FAM107B: variants seen among roughly 807,000 people sequenced by gnomAD.
FAM107B encodes protein FAM107B.
FAM107B carries 21 observed loss-of-function variants against 31.5 expected under a neutral mutation model. The ratio of observed to expected loss-of-function variants is 0.67; its 90% CI spans 0.47 to 0.96. The LOEUF (loss-of-function observed/expected upper bound fraction) is 0.96, where lower values mean the gene tolerates loss of function less well. Ranked by LOEUF, FAM107B falls within the 40% of genes least tolerant of loss-of-function variation. The pLI is 0.00. For synonymous variants in FAM107B, 157 were observed against 141.5 expected, an observed-to-expected ratio of 1.11 and a Z score of -0.78; for missense variants, 452 against 377.1, an observed-to-expected ratio of 1.20 and a Z score of -1.64.
In FAM107B at chr10:14,774,452, C is replaced by T. The variant is rs760176736; in HGVS notation, c.212G>A (p.Gly71Glu). 3.1e-6 allele frequency: 5 copies of T among 1,614,194 alleles called. No homozygotes were observed. Among genetic ancestry groups the T allele is most frequent in the South Asian group, 1.1e-5 (1 of 91,080 alleles). Residue 71 changes from glycine to glutamate, a missense_variant, in exon 1 of 5, where the codon GGA (glycine) becomes GAA (glutamate). Coordinates refer to ENST00000181796, the MANE Select transcript of FAM107B (RefSeq NM_031453.4). ...GRQPRHPSAE[G>E]APEKRQDSST... ...CGAATCTTGCCTTTTCTCTGGAGCT[C>T]CTTCTGCGCTTGGGTGTCTTGGCTG... is the stretch of plus-strand genomic sequence containing the variant.
chr10:14,567,707 G>C (rs575685154), intron 2 of FAM107B, among the ~76,000 whole-genome samples: 1 of 152,306 alleles, frequency 6.6e-6, no homozygotes, highest in South Asian at 2.1e-4. Context: ...CAGGAGCAGA[G>C]GGGTTGGAAA....
intron 2 of FAM107B, among the ~76,000 whole-genome samples, chr10:14,558,620 T>C (rs1362218236): frequency 6.6e-6 from 1 of 152,114 alleles, no homozygotes; most frequent in East Asian, 1.9e-4. Flanking sequence ...TCCTTCTCCA[T>C]TTCTGAACTC....
chr10:14,774,523 A>G lies in FAM107B; in HGVS notation c.141T>C (p.Asp47=). 6.2e-7 allele frequency: 1 copy of G among 1,614,178 alleles called. No homozygotes were observed. Among genetic ancestry groups the G allele is most frequent in the Non-Finnish European group, 8.5e-7 (1 of 1,180,032 alleles). Residue 47 remains aspartate, a synonymous_variant, in exon 1 of 5, where the codon GAT becomes GAC. Transcript: ENST00000181796. The stretch of plus-strand genomic sequence containing the variant: ...GCTGCACACGGACGGTGGAATGAGT[A>G]TCAGCCACGCCGGACTGATTGAAGG... ...SASFNQSGVA[D]THSTVRVQPV...
At position 14,768,520 on chromosome 10, in the gene FAM107B, C is replaced by T. The variant is rs116630956; in HGVS notation, c.411+5733G>A. Among the ~76,000 whole-genome samples, 599 of 152,248 alleles carry T rather than the reference C, an allele frequency of 3.9e-3. 7 individuals carry two copies. Among genetic ancestry groups the T allele is most frequent in the African/African-American group, 0.013 (559 of 41,536 alleles). The stretch of plus-strand genomic sequence containing the variant: ...TGGTCAAATGATTTCAACAAGGGTG[C>T]CAAGACCACTCAATGGGGAAAAGAC... On this transcript the variant is annotated intron_variant, in intron 1 of 4. Transcript: ENST00000181796.
chr10:14,621,722 G>A (rs182665494), intron 2 of FAM107B, among the ~76,000 whole-genome samples: 283 of 152,326 alleles, frequency 1.9e-3, no homozygotes, highest in African/African-American at 5.7e-3. Context: ...AACAAGATTT[G>A]AAACAGGATT....
intron 2 of FAM107B, among the ~76,000 whole-genome samples, chr10:14,594,105 T>C (rs1208188582): frequency 1.3e-5 from 2 of 152,224 alleles, no homozygotes; most frequent in South Asian, 2.1e-4. Context: ...TGTTTTTAAT[T>C]TGGTGCCATT....
Position 14,641,951 on chromosome 10 carries a change from A to G in FAM107B, c.469+25683T>C, listed in dbSNP as rs115106215. Among the ~76,000 whole-genome samples the G allele has an allele frequency of 7.8e-3, 1,194 of 152,348 alleles. 21 individuals carry two copies. The highest frequency in any genetic ancestry group is 0.028 in the African/African-American group (1,151 of 41,576). The stretch of plus-strand genomic sequence containing the variant: ...AAGTCCAAAGCCTCCTTTAAATATC[A>G]TCTAAATCAGATATGAGTGAAATTT... On this transcript the variant is annotated intron_variant, in intron 2 of 4. Coordinates refer to ENST00000181796, the MANE Select transcript of FAM107B (RefSeq NM_031453.4).
intron 2 of FAM107B, among the ~76,000 whole-genome samples, chr10:14,550,923 G>A (rs1263209258): frequency 6.6e-6 from 1 of 152,138 alleles, no homozygotes; most frequent in East Asian, 1.9e-4. Flanking sequence ...ATCACTTCGA[G>A]AGGAACAATT....
At chr10:14,651,435 G>A (rs1413158921) in intron 2 of FAM107B, among the ~76,000 whole-genome samples, 8 of 152,034 alleles carry the variant, frequency 5.3e-5, no homozygotes, top group African/African-American at 7.2e-5. Context: ...GAGAGACCCC[G>A]TCACTACTAA....
At chr10:14,728,808 C>T (rs1192161133) in intron 1 of FAM107B, among the ~76,000 whole-genome samples, 2 of 152,156 alleles carry the variant, frequency 1.3e-5, no homozygotes, top group African/African-American at 2.4e-5. Flanking sequence ...AGTATGTGGG[C>T]ATTCATTCTG....
Position 14,771,825 on chromosome 10 carries a change from G to A in FAM107B, c.411+2428C>T, listed in dbSNP as rs930952733. Among the ~76,000 whole-genome samples the A allele has an allele frequency of 2.6e-5, 4 of 152,120 alleles. No homozygotes were observed. The East Asian group carries it at 7.7e-4, about 29-fold the overall frequency. The stretch of plus-strand genomic sequence containing the variant: ...GCCACTATGCCCAGCCAATATGTAT[G>A]ATATTTAAATGTGATTGAGTATCAA... On this transcript the variant is annotated intron_variant, in intron 1 of 4. Transcript: ENST00000181796.
In FAM107B at chr10:14,603,220, G is replaced by A. The variant is rs1048714001; in HGVS notation, c.469+64414C>T. On this transcript the variant is annotated intron_variant, in intron 2 of 4. Coordinates refer to ENST00000181796, the MANE Select transcript of FAM107B (RefSeq NM_031453.4). ...CTAAGAAATCTTCTCTGGACAGGTAGCCCAGACACTATTTCAACTTAAAGC... is the reference window on the plus strand; with the variant it reads ...CTAAGAAATCTTCTCTGGACAGGTAACCCAGACACTATTTCAACTTAAAGC... 2.0e-5 allele frequency among the ~76,000 whole-genome samples: 3 copies of A among 152,082 alleles called. No individual in the cohort carries two copies. The South Asian group carries it at 6.2e-4, about 32-fold the overall frequency.
At chr10:14,714,172 G>A (rs1330937267) in intron 1 of FAM107B, among the ~76,000 whole-genome samples, 1 of 152,150 alleles carries the variant, frequency 6.6e-6, no homozygotes, top group African/African-American at 2.4e-5. Flanking sequence ...ATTTACCCCT[G>A]AGCCTAAAAT....
Position 14,758,650 on chromosome 10 carries a change from C to A in FAM107B, c.411+15603G>T, listed in dbSNP as rs1420498068. 2.0e-5 allele frequency among the ~76,000 whole-genome samples: 3 copies of A among 152,194 alleles called. No homozygotes were observed. In the South Asian group the frequency reaches 6.2e-4, roughly 32 times the overall value. ...GTGGCCCTAGATGCCCAGCCGGGCTCCCCGTCTGGAGCGAGTGCCAATAGG... is the reference window on the plus strand; with the variant it reads ...GTGGCCCTAGATGCCCAGCCGGGCTACCCGTCTGGAGCGAGTGCCAATAGG... On this transcript the variant is annotated intron_variant, in intron 1 of 4. Coordinates refer to ENST00000181796, the MANE Select transcript of FAM107B (RefSeq NM_031453.4).
intron 1 of FAM107B, among the ~76,000 whole-genome samples, chr10:14,713,163 G>GTA (rs1855700285): frequency 6.6e-6 from 1 of 152,078 alleles, no homozygotes; most frequent in African/African-American, 2.4e-5. Context: ...GAGGATAATG[G>GTA]GTTATTATGT....
intron 2 of FAM107B, among the ~76,000 whole-genome samples, chr10:14,634,170 G>A (rs1395547749): frequency 6.6e-6 from 1 of 152,182 alleles, no homozygotes; most frequent in Non-Finnish European, 1.5e-5. Context: ...GCCAAGGTGG[G>A]TGGATCATGA....
At chr10:14,619,563 C>T (rs963097712) in intron 2 of FAM107B, among the ~76,000 whole-genome samples, 9 of 152,074 alleles carry the variant, frequency 5.9e-5, no homozygotes, top group African/African-American at 2.2e-4. Flanking sequence ...AGTTCTTTTA[C>T]AGGCATGTGT....
At chr10:14,566,283 A>C (rs1029429104) in intron 2 of FAM107B, among the ~76,000 whole-genome samples, 2 of 152,180 alleles carry the variant, frequency 1.3e-5, no homozygotes, top group Non-Finnish European at 2.9e-5. Flanking sequence ...CTCTCCACCT[A>C]CTGTTCACCT....
intron 2 of FAM107B, among the ~76,000 whole-genome samples, chr10:14,659,295 G>T (rs891645201): frequency 1.3e-5 from 2 of 152,094 alleles, no homozygotes; most frequent in Admixed American, 1.3e-4. Flanking sequence ...ACAAAAATTA[G>T]CTGGGCATGG....
Sources: allele counts gnomAD v4.1 joint callset (sites outside exome capture counted in the v4.1 genomes callset), GRCh38; gene constraint gnomAD v4.1.1; transcripts MANE v1.5; gene names NCBI Gene and HGNC (gene_info 2026-07-23, HGNC 2026-07-21).